Variants in SDK1 observed in about 807,000 individuals in gnomAD.
The protein encoded by SDK1 is protein sidekick-1.
SDK1 carries 157 observed loss-of-function variants against 245.5 expected under a neutral mutation model. The ratio of observed to expected loss-of-function variants is 0.64; its 90% CI spans 0.56 to 0.73. SDK1 has a LOEUF of 0.73. Among genes scored for constraint, SDK1 ranks in the 30% least tolerant of loss-of-function variants. The pLI is 0.00. For synonymous variants in SDK1, 1,647 were observed against 1,278.5 expected, an observed-to-expected ratio of 1.29 and a Z score of -6.15; for missense variants, 3,583 against 3,002.3, an observed-to-expected ratio of 1.19 and a Z score of -4.52.
intron 5 of SDK1, among the ~76,000 whole-genome samples, chr7:3,878,754 A>G (rs951112294): frequency 1.2e-4 from 18 of 152,044 alleles, no homozygotes; most frequent in African/African-American, 4.3e-4. Flanking sequence ...CCACCTTCTC[A>G]TATTCAAATA....
chr7:3,500,029 A>G (rs924605862), intron 1 of SDK1, among the ~76,000 whole-genome samples: 15 of 152,086 alleles, frequency 9.9e-5, no homozygotes, highest in African/African-American at 3.6e-4. Context: ...ACAAGTAGCC[A>G]TAGGAGTCCT....
intron 1 of SDK1, among the ~76,000 whole-genome samples, chr7:3,461,055 C>T (rs926372217): frequency 6.6e-6 from 1 of 152,108 alleles, no homozygotes; most frequent in African/African-American, 2.4e-5. Flanking sequence ...TACACATTTT[C>T]GTGTTTTTGA....
chr7:3,353,384 T>C (rs183673398), intron 1 of SDK1, among the ~76,000 whole-genome samples: 7 of 152,302 alleles, frequency 4.6e-5, no homozygotes, highest in Non-Finnish European at 7.4e-5. Context: ...TTATAAAATA[T>C]ACTGAACATA....
At chr7:3,516,915 T>A (rs1019113401) in intron 1 of SDK1, among the ~76,000 whole-genome samples, 1 of 152,156 alleles carries the variant, frequency 6.6e-6, no homozygotes, top group Non-Finnish European at 1.5e-5. Flanking sequence ...TTAAGTGCCA[T>A]GTTGGGTCAG....
At chr7:3,496,388 A>G (rs947619458) in intron 1 of SDK1, among the ~76,000 whole-genome samples, 4 of 151,640 alleles carry the variant, frequency 2.6e-5, no homozygotes, top group Non-Finnish European at 5.9e-5. Flanking sequence ...AAGCCATTTT[A>G]TCTTCTTTTT....
chr7:3,342,401 C>T lies in SDK1; in HGVS notation c.298+40517C>T, dbSNP rs998984448. ...GTCGGGAGTTTGAGATCAGCCTGAC[C>T]GACATGGAGAAACACCGTCTCTACT... On this transcript the variant is annotated intron_variant, in intron 1 of 44. Transcript: ENST00000404826. Among the ~76,000 whole-genome samples the T allele has an allele frequency of 1.1e-4, 17 of 152,026 alleles. No homozygotes were observed. The East Asian group carries it at 2.7e-3, about 24-fold the overall frequency.
chr7:3,773,713 G>A (rs955362957), intron 4 of SDK1, among the ~76,000 whole-genome samples: 1 of 151,966 alleles, frequency 6.6e-6, no homozygotes, highest in African/African-American at 2.4e-5. Flanking sequence ...TTTTTGTTTT[G>A]CTGGTTGTTG....
At chr7:3,974,937 C>G (rs7787208) in intron 13 of SDK1, among the ~76,000 whole-genome samples, 3 of 152,092 alleles carry the variant, frequency 2.0e-5, no homozygotes, top group East Asian at 1.9e-4. Flanking sequence ...ACTGCTGAGG[C>G]GAGGTCGTTC....
chr7:3,972,636 C>T (rs1044007018), intron 12 of SDK1, among the ~76,000 whole-genome samples: 1 of 152,192 alleles, frequency 6.6e-6, no homozygotes, highest in Admixed American at 6.5e-5. Flanking sequence ...GTGCATGAGT[C>T]GAATGGGCAG....
rs551590094 is a variant in SDK1, at chr7:4,216,057, A to G, written c.5540-4052A>G. ...GATACCACAACCGGCCTTGGCAGGA[A>G]CGTGGTTCAGGAAGCACTCATCCTG... On this transcript the variant is annotated intron_variant, in intron 38 of 44. Coordinates refer to ENST00000404826, the MANE Select transcript of SDK1 (RefSeq NM_152744.4). Among the ~76,000 whole-genome samples the G allele has an allele frequency of 1.8e-4, 28 of 152,326 alleles. No individual in the cohort carries two copies. In the East Asian group the frequency reaches 5.4e-3, roughly 30 times the overall value.
At chr7:3,619,957 T>C (rs1781883860) in intron 2 of SDK1, among the ~76,000 whole-genome samples, 1 of 152,112 alleles carries the variant, frequency 6.6e-6, no homozygotes, top group Non-Finnish European at 1.5e-5. Flanking sequence ...GGGGTATACT[T>C]TTGAGGATGA....
intron 4 of SDK1, among the ~76,000 whole-genome samples, chr7:3,792,131 A>G (rs768061287): frequency 2.0e-5 from 3 of 151,954 alleles, no homozygotes; most frequent in Non-Finnish European, 2.9e-5. Flanking sequence ...CCCTTCCTAA[A>G]TAACAAAACA....
intron 9 of SDK1, 42 bp downstream of exon 9, chr7:3,962,893 C>G (rs1253744747): frequency 6.9e-7 from 1 of 1,445,986 alleles, no homozygotes; most frequent in East Asian, 2.4e-5. Context: ...CTGGACGTAT[C>G]CAGTGAGTAC....
At chr7:3,518,821 G>GT (rs1782834638) in intron 1 of SDK1, among the ~76,000 whole-genome samples, 1 of 152,088 alleles carries the variant, frequency 6.6e-6, no homozygotes, top group South Asian at 2.1e-4. Context: ...AAGGAAATCA[G>GT]TTTATCAAAG....
intron 5 of SDK1, among the ~76,000 whole-genome samples, chr7:3,916,533 G>A (rs1779387007): frequency 6.6e-6 from 1 of 152,154 alleles, no homozygotes; most frequent in Non-Finnish European, 1.5e-5. Context: ...AACTGTCTGT[G>A]GATGTGATAG....
chr7:4,108,011 G>A (rs973892099), intron 22 of SDK1, among the ~76,000 whole-genome samples: 6 of 152,220 alleles, frequency 3.9e-5, no homozygotes, highest in Admixed American at 2.0e-4. Context: ...TTATGCATCA[G>A]CTGCATAGAT....
intron 4 of SDK1, among the ~76,000 whole-genome samples, chr7:3,700,068 C>T (rs1784695484): frequency 6.6e-6 from 1 of 152,128 alleles, no homozygotes; most frequent in Non-Finnish European, 1.5e-5. Flanking sequence ...TACTGAAAGA[C>T]AAGAACTGTC....
intron 13 of SDK1, among the ~76,000 whole-genome samples, chr7:3,982,823 G>A (rs1485985581): frequency 2.0e-5 from 3 of 151,292 alleles, no homozygotes; most frequent in Non-Finnish European, 4.4e-5. Context: ...GTGGGCGACA[G>A]AGCGAGACAA....
At chr7:3,324,869 TGAAA>T (rs892218581) in intron 1 of SDK1, among the ~76,000 whole-genome samples, 1 of 152,190 alleles carries the variant, frequency 6.6e-6, no homozygotes, top group African/African-American at 2.4e-5. Flanking sequence ...TTCTTACGTT[TGAAA>T]GAAAGTCCTC....
Sources: allele counts gnomAD v4.1 joint callset (sites outside exome capture counted in the v4.1 genomes callset), GRCh38; gene constraint gnomAD v4.1.1; transcripts MANE v1.5; gene names NCBI Gene and HGNC (gene_info 2026-07-23, HGNC 2026-07-21).